Variants in SLAMF6 observed in about 807,000 individuals in gnomAD.
The protein encoded by SLAMF6 is SLAM family member 6.
In SLAMF6, 21 loss-of-function variants were observed where a neutral mutation model predicts 38.3. That is an observed-to-expected ratio of 0.55 (90% CI 0.39 to 0.79). The LOEUF is 0.79. SLAMF6 is among the 30% of genes least tolerant of loss of function. The pLI is 0.00. For synonymous variants in SLAMF6, 152 were observed against 146.3 expected (o/e 1.04, Z -0.28); for missense variants, 341 against 385.3 (o/e 0.89, Z 0.96).
chr1:160,522,995 G>A (rs1655058710), intron 1 of SLAMF6, 149 bp downstream of exon 1: 2 of 727,878 alleles, frequency 2.7e-6, no homozygotes, highest in Admixed American at 5.2e-5. Flanking sequence ...GGAGGTAGTA[G>A]TATATCAGGT....
chr1:160,488,871 G>C (rs923930119), intron 6 of SLAMF6, among the ~76,000 whole-genome samples: 2 of 152,176 alleles, frequency 1.3e-5, no homozygotes, highest in African/African-American at 4.8e-5. Context: ...CAAGCGGTTG[G>C]AGAACTGTGT....
intron 1 of SLAMF6, among the ~76,000 whole-genome samples, chr1:160,499,983 A>G (rs564731558): frequency 1.0e-4 from 16 of 152,388 alleles, no homozygotes; most frequent in African/African-American, 3.8e-4. Flanking sequence ...ACCAGAGAAT[A>G]CAAATATATG....
At chr1:160,494,499 C>G (rs1396391852) in intron 2 of SLAMF6, among the ~76,000 whole-genome samples, 3 of 152,104 alleles carry the variant, frequency 2.0e-5, no homozygotes, top group African/African-American at 7.2e-5. Flanking sequence ...AAAGATCTGT[C>G]TGCGCCCTAA....
In SLAMF6 at chr1:160,491,395, G is replaced by GA; in HGVS notation, c.383-8_383-7insT. 1 of 1,594,488 alleles carries GA rather than the reference G, an allele frequency of 6.3e-7. No individual in the cohort carries two copies. Among genetic ancestry groups the GA allele is most frequent in the Admixed American group, 1.8e-5 (1 of 55,468 alleles). ...TGTATGTTCCTCAGTTGTCCTGTTT[G>GA]CAGAAAAAAAAAAGATCCAGATTAA... On this transcript the variant is annotated splice_polypyrimidine_tract_variant and splice_region_variant and intron_variant, in intron 2 of 7. Transcript: ENST00000368057.
chr1:160,486,890 A>T, intron 7 of SLAMF6, 136 bp from the exon 8 acceptor site: 1 of 1,052,892 alleles, frequency 9.5e-7, no homozygotes, highest in Non-Finnish European at 1.4e-6. Flanking sequence ...GCAGGATTAA[A>T]TTTAAAAACA....
chr1:160,518,026 A>G (rs1251506013), intron 1 of SLAMF6, among the ~76,000 whole-genome samples: 1 of 152,160 alleles, frequency 6.6e-6, no homozygotes, highest in Non-Finnish European at 1.5e-5. Flanking sequence ...AATTAAAAGA[A>G]AGAAATGTAT....
chr1:160,491,192 G>A lies in SLAMF6; in HGVS notation c.579C>T (p.Tyr193=), dbSNP rs770522472. ...WDPRISSEQD[Y]TCIAENAVSN... is the part of the protein sequence containing the mutation. Reference sequence around the variant, plus strand: ...TGACAGCATTCTCTGCTATGCAGGTGTAGTCCTGTTCACTGGAAATCCTGG... The same window carrying A: ...TGACAGCATTCTCTGCTATGCAGGTATAGTCCTGTTCACTGGAAATCCTGG... The change falls in exon 3 of 8, where the codon TAC becomes TAT. Residue 193 remains tyrosine, a synonymous_variant. Transcript: ENST00000368057. 1.4e-5 allele frequency: 23 copies of A among 1,614,116 alleles called. No homozygotes were observed. Among genetic ancestry groups the A allele is most frequent in the Non-Finnish European group, 1.9e-5 (23 of 1,179,994 alleles).
chr1:160,511,037 A>G (rs1358457581), intron 1 of SLAMF6, among the ~76,000 whole-genome samples: 2 of 152,224 alleles, frequency 1.3e-5, no homozygotes, highest in African/African-American at 2.4e-5. Flanking sequence ...AGAGAAGTTC[A>G]AGATAATACA....
chr1:160,507,109 T>C (rs1456060296), intron 1 of SLAMF6, among the ~76,000 whole-genome samples: 1 of 152,016 alleles, frequency 6.6e-6, no homozygotes, highest in Non-Finnish European at 1.5e-5. Context: ...CAGAATGAAT[T>C]GAAAAAACAG....
intron 1 of SLAMF6, among the ~76,000 whole-genome samples, chr1:160,517,613 T>A (rs766323454): frequency 1.3e-5 from 2 of 152,076 alleles, no homozygotes; most frequent in Non-Finnish European, 2.9e-5. Context: ...AAAATGCCCA[T>A]CAATGACAGA....
intron 4 of SLAMF6, 130 bp downstream of exon 4, chr1:160,490,445 A>G: frequency 1.5e-6 from 2 of 1,332,154 alleles, no homozygotes; most frequent in Non-Finnish European, 2.1e-6. Flanking sequence ...TCAGTGGACT[A>G]GCTGAGCCAG....
intron 1 of SLAMF6, among the ~76,000 whole-genome samples, chr1:160,521,789 A>C (rs1330383930): frequency 6.6e-6 from 1 of 151,972 alleles, no homozygotes; most frequent in Non-Finnish European, 1.5e-5. Context: ...GCTGCTCTCC[A>C]CCTTCCAATT....
At chr1:160,510,148 G>C (rs753975602) in intron 1 of SLAMF6, among the ~76,000 whole-genome samples, 58 of 152,036 alleles carry the variant, frequency 3.8e-4, no homozygotes, top group Non-Finnish European at 7.4e-4. Flanking sequence ...GGCTTCACTG[G>C]TAAATTCTAC....
intron 1 of SLAMF6, among the ~76,000 whole-genome samples, chr1:160,521,435 A>G (rs2102074997): frequency 6.6e-6 from 1 of 152,296 alleles, no homozygotes; most frequent in Non-Finnish European, 1.5e-5. Flanking sequence ...GAGTTTTAAC[A>G]CAAGGACATT....
chr1:160,512,063 G>A (rs1200547551), intron 1 of SLAMF6, among the ~76,000 whole-genome samples: 1 of 152,202 alleles, frequency 6.6e-6, no homozygotes, highest in African/African-American at 2.4e-5. Flanking sequence ...GCACAGAGCT[G>A]TGCAGATTCT....
chr1:160,490,737 T>A (rs1557934520), intron 3 of SLAMF6, 52 bp from the exon 4 acceptor site: 2 of 1,597,876 alleles, frequency 1.3e-6, no homozygotes, highest in Non-Finnish European at 8.5e-7. Context: ...TGAGGCCCAC[T>A]GTTCTTGGAG....
intron 1 of SLAMF6, among the ~76,000 whole-genome samples, chr1:160,513,504 T>C (rs184278773): frequency 3.2e-4 from 48 of 152,070 alleles, no homozygotes; most frequent in African/African-American, 1.0e-3. Flanking sequence ...ACTCAAGAAA[T>C]ACAAAGAACC....
At chr1:160,494,623 T>C (rs1653476129) in intron 2 of SLAMF6, among the ~76,000 whole-genome samples, 1 of 152,172 alleles carries the variant, frequency 6.6e-6, no homozygotes, top group Non-Finnish European at 1.5e-5. Flanking sequence ...ATGACAAATG[T>C]TCCCATAAGA....
chr1:160,503,431 G>A (rs181006863), intron 1 of SLAMF6, among the ~76,000 whole-genome samples: 6 of 151,842 alleles, frequency 4.0e-5, no homozygotes, highest in South Asian at 4.2e-4. Flanking sequence ...GGGAAAATCC[G>A]CAATCACTTT....
Sources: gnomAD v4.1 joint callset for allele counts (sites outside exome capture counted in the v4.1 genomes callset) on GRCh38, gnomAD v4.1.1 for gene constraint, MANE v1.5 for transcripts, NCBI Gene and HGNC (gene_info 2026-07-23, HGNC 2026-07-21) for gene names.